Variants in L3MBTL3 observed in about 807,000 individuals in gnomAD.
L3MBTL3 encodes lethal(3)malignant brain tumor-like protein 3.
Under a neutral mutation model 102.3 loss-of-function variants are expected in L3MBTL3, and 27 were observed. The observed-to-expected ratio is 0.26, with a 90% confidence interval of 0.19 to 0.36. The LOEUF is 0.36. L3MBTL3 is among the 10% of genes least tolerant of loss of function. The probability of loss-of-function intolerance (pLI) is 1.00; values close to 1 mark genes in which losing one functional copy is unlikely to be tolerated. For synonymous variants in L3MBTL3, 340 were observed against 320.9 expected (o/e 1.06, Z -0.64); for missense variants, 798 against 955.3 (o/e 0.84, Z 2.17).
intron 2 of L3MBTL3, among the ~76,000 whole-genome samples, chr6:130,038,394 C>G (rs551602806): frequency 1.3e-5 from 2 of 151,914 alleles, no homozygotes; most frequent in East Asian, 1.9e-4. Context: ...CAAGAAGATA[C>G]AGGAGCTCAC....
Position 130,132,597 on chromosome 6 carries a change from T to A in L3MBTL3, c.1967-855T>A, listed in dbSNP as rs118130063. Reference sequence around the variant, plus strand: ...TTCTGAGGTGCTTTGAATACAGAGTTTTCAGAAAAGGTTTCTGTTCTAAAG... The same window carrying A: ...TTCTGAGGTGCTTTGAATACAGAGTATTCAGAAAAGGTTTCTGTTCTAAAG... On this transcript the variant is annotated intron_variant, in intron 20 of 22. Coordinates refer to ENST00000361794, the MANE Select transcript of L3MBTL3 (RefSeq NM_032438.4). Among the ~76,000 whole-genome samples, 275 of 152,300 alleles carry A rather than the reference T, an allele frequency of 1.8e-3. 1 individual carries two copies. Among genetic ancestry groups the A allele is most frequent in the Non-Finnish European group, 3.2e-3 (218 of 68,024 alleles).
At chr6:130,134,908 C>A (rs1249714833) in intron 22 of L3MBTL3, among the ~76,000 whole-genome samples, 2 of 152,144 alleles carry the variant, frequency 1.3e-5, no homozygotes, top group African/African-American at 4.8e-5. Context: ...TGTTAAAATG[C>A]ACAAGGATCT....
intron 1 of L3MBTL3, among the ~76,000 whole-genome samples, chr6:130,020,151 C>T (rs1778882258): frequency 6.6e-6 from 1 of 151,248 alleles, no homozygotes; most frequent in Non-Finnish European, 1.5e-5. Flanking sequence ...CCGCCTCGCG[C>T]CGCGTGTGTG....
intron 10 of L3MBTL3, among the ~76,000 whole-genome samples, chr6:130,062,938 A>G (rs1327967171): frequency 6.6e-6 from 1 of 150,802 alleles, no homozygotes; most frequent in East Asian, 1.9e-4. Context: ...TCCTTTTCAT[A>G]TTAATTTTCT....
At chr6:130,027,030 A>G (rs973328039) in intron 2 of L3MBTL3, among the ~76,000 whole-genome samples, 4 of 152,214 alleles carry the variant, frequency 2.6e-5, no homozygotes, top group Admixed American at 6.5e-5. Context: ...CAAGAGTGCT[A>G]TAATTACTGG....
chr6:130,029,243 T>C (rs575139564), intron 2 of L3MBTL3, among the ~76,000 whole-genome samples: 1 of 152,320 alleles, frequency 6.6e-6, no homozygotes, highest in African/African-American at 2.4e-5. Context: ...CATACTCCAG[T>C]GCTCCTATAG....
intron 9 of L3MBTL3, among the ~76,000 whole-genome samples, chr6:130,059,751 A>AT (rs1240993828): frequency 4.6e-5 from 7 of 152,224 alleles, no homozygotes; most frequent in Non-Finnish European, 8.8e-5. Context: ...TAGGTGAAAC[A>AT]TATCTTAGTG....
intron 15 of L3MBTL3, among the ~76,000 whole-genome samples, chr6:130,085,460 G>T (rs1231572601): frequency 6.6e-6 from 1 of 152,054 alleles, no homozygotes; most frequent in East Asian, 1.9e-4. Context: ...TTTTATGCTT[G>T]TTGATTTTTG....
chr6:130,060,189 G>T, intron 10 of L3MBTL3, 49 bp downstream of exon 10: 1 of 1,174,648 alleles, frequency 8.5e-7, no homozygotes, highest in Non-Finnish European at 1.2e-6. Flanking sequence ...GTGATTATGG[G>T]GATTTAAAAT....
In L3MBTL3 at chr6:130,122,256, A is replaced by G. The variant is rs151237445; in HGVS notation, c.1966+1298A>G. On this transcript the variant is annotated intron_variant, in intron 20 of 22. Transcript: ENST00000361794. ...GATGGCTGTTTGCTTGCAGTGACCTATTTCATAAGTGATGCTTTGATTTCC... is the reference window on the plus strand; with the variant it reads ...GATGGCTGTTTGCTTGCAGTGACCTGTTTCATAAGTGATGCTTTGATTTCC... 1.8e-3 allele frequency among the ~76,000 whole-genome samples: 270 copies of G among 152,316 alleles called. 2 individuals are homozygous for G. The highest frequency in any genetic ancestry group is 6.8e-3 in the Middle Eastern group (2 of 294).
intron 18 of L3MBTL3, among the ~76,000 whole-genome samples, chr6:130,100,886 C>T (rs1291021743): frequency 1.3e-5 from 2 of 151,950 alleles, no homozygotes; most frequent in Admixed American, 6.6e-5. Flanking sequence ...TTCCCATTGT[C>T]GAAGGTGGAT....
At position 130,049,829 on chromosome 6, in the gene L3MBTL3, A is replaced by G. The variant is rs201097742; in HGVS notation, c.288A>G (p.Thr96=). 4.3e-6 allele frequency: 7 copies of G among 1,611,888 alleles called. No homozygotes were observed. The East Asian group carries it at 1.1e-4, about 26-fold the overall frequency. The change falls in exon 5 of 23, where the codon ACA becomes ACG. Residue 96 remains threonine (T), a splice_region_variant and synonymous_variant. Coordinates refer to ENST00000361794, the MANE Select transcript of L3MBTL3 (RefSeq NM_032438.4). ...AYWTSPPGCP[T]VFSEKTGMPF... ...GGACATCTCCACCTGGATGTCCCACAGGTACCTCAAACTCCACATGTCTGA... is the reference window on the plus strand; with the variant it reads ...GGACATCTCCACCTGGATGTCCCACGGGTACCTCAAACTCCACATGTCTGA...
chr6:130,115,518 GACAA>G (rs1359121595), intron 19 of L3MBTL3, among the ~76,000 whole-genome samples: 1 of 152,146 alleles, frequency 6.6e-6, no homozygotes, highest in Non-Finnish European at 1.5e-5. Context: ...GTTTTTATAT[GACAA>G]ACAGACTTGA....
intron 18 of L3MBTL3, among the ~76,000 whole-genome samples, chr6:130,100,243 A>T (rs1784601366): frequency 6.6e-6 from 1 of 152,188 alleles, no homozygotes; most frequent in East Asian, 1.9e-4. Flanking sequence ...CTCATTTTAC[A>T]GATGAAACAG....
chr6:130,097,790 A>G (rs1375052520), intron 18 of L3MBTL3, among the ~76,000 whole-genome samples: 1 of 152,202 alleles, frequency 6.6e-6, no homozygotes, highest in Non-Finnish European at 1.5e-5. Context: ...ACATTTGGCC[A>G]GGCGCAGTGG....
At chr6:130,040,925 A>G (rs923242846) in intron 2 of L3MBTL3, among the ~76,000 whole-genome samples, 1 of 152,160 alleles carries the variant, frequency 6.6e-6, no homozygotes, top group Admixed American at 6.5e-5. Context: ...TTTACTGTGC[A>G]TGCATGGTGG....
chr6:130,117,638 G>A (rs909748483), intron 19 of L3MBTL3, among the ~76,000 whole-genome samples: 17 of 152,132 alleles, frequency 1.1e-4, no homozygotes, highest in East Asian at 1.9e-4. Flanking sequence ...CAGAATTTGC[G>A]TAATGAAATT....
chr6:130,026,293 G>T (rs1031920890), intron 2 of L3MBTL3, among the ~76,000 whole-genome samples: 2 of 152,006 alleles, frequency 1.3e-5, no homozygotes, highest in African/African-American at 4.8e-5. Flanking sequence ...CTAACCTTGA[G>T]CACTGGGTAT....
intron 19 of L3MBTL3, among the ~76,000 whole-genome samples, chr6:130,104,914 A>G (rs1784897168): frequency 6.6e-6 from 1 of 152,230 alleles, no homozygotes; most frequent in South Asian, 2.1e-4. Flanking sequence ...ACATAGAGTC[A>G]ACCTTTATCA....
Sources: gnomAD v4.1 joint callset for allele counts (sites outside exome capture counted in the v4.1 genomes callset) on GRCh38, gnomAD v4.1.1 for gene constraint, MANE v1.5 for transcripts, NCBI Gene and HGNC (gene_info 2026-07-23, HGNC 2026-07-21) for gene names.